FBXW10: variants seen among roughly 807,000 people sequenced by gnomAD.
The protein encoded by FBXW10 is F-box/WD repeat-containing protein 10.
Under a neutral mutation model 113.1 loss-of-function variants are expected in FBXW10, and 68 were observed. The observed-to-expected ratio is 0.60, with a 90% CI of 0.49 to 0.74. The LOEUF (loss-of-function observed/expected upper bound fraction) is 0.74, where lower values mean the gene tolerates loss of function less well. Among genes scored for constraint, FBXW10 ranks in the 30% least tolerant of loss-of-function variants. The probability of loss-of-function intolerance (pLI) is 0.00; values close to 1 mark genes in which losing one functional copy is unlikely to be tolerated. For missense variants in FBXW10, 753 were observed against 1,284.5 expected, an observed-to-expected ratio of 0.59 and a Z score of 6.32; for synonymous variants, 289 against 481.6, an observed-to-expected ratio of 0.60 and a Z score of 5.24.
chr17:18,766,784 C>G lies in FBXW10; in HGVS notation c.1626C>G (p.Ile542Met), dbSNP rs2035505456. ...RHKDPILATRINDTYIVSSCE... is the reference protein window; with the variant it reads ...RHKDPILATRMNDTYIVSSCE... ...AAGACCCCATCTTGGCCACCAGGAT[C>G]AATGATACCTACATTGTGAGCAGCT... Residue 542 changes from isoleucine (I) to methionine (M), a missense_variant, in exon 9 of 14, where the codon ATC (isoleucine) becomes ATG (methionine). Coordinates refer to ENST00000395665, the MANE Select transcript of FBXW10 (RefSeq NM_001267585.2). The G allele has an allele frequency of 3.1e-6, 5 of 1,612,080 alleles. No homozygotes were observed. In the African/African-American group the frequency reaches 4.0e-5, roughly 13 times the overall value.
chr17:18,745,126 C>A, intron 1 of FBXW10: 1 of 1,086,808 alleles, frequency 9.2e-7, no homozygotes, highest in Non-Finnish European at 1.1e-6. Flanking sequence ...AAAGGGGAAG[C>A]TTTTGTTTTT....
chr17:18,773,112 TA>T (rs1378382039), intron 12 of FBXW10, among the ~76,000 whole-genome samples: 2 of 151,948 alleles, frequency 1.3e-5, no homozygotes, highest in East Asian at 3.9e-4. Flanking sequence ...ATTTTTTTTT[TA>T]GTAGAGATGG....
At chr17:18,749,579 A>T in intron 2 of FBXW10, 143 bp from the exon 3 acceptor site, 1 of 928,096 alleles carries the variant, frequency 1.1e-6, no homozygotes, top group South Asian at 1.7e-5. Context: ...CAAGTGGCAG[A>T]AGAGATGACA....
At chr17:18,744,959 T>C in intron 1 of FBXW10, 1 of 1,435,568 alleles carries the variant, frequency 7.0e-7, no homozygotes, top group East Asian at 2.5e-5. Context: ...TTCTTGAAAA[T>C]GATCAATGCA....
At chr17:18,766,679 A>G in intron 8 of FBXW10, 35 bp from the exon 9 acceptor site, 1 of 1,601,020 alleles carries the variant, frequency 6.2e-7, no homozygotes, top group Non-Finnish European at 8.5e-7. Context: ...CTTTTTCCCC[A>G]CTCCCATGTC....
chr17:18,759,213 C>G (rs532757590), intron 7 of FBXW10, among the ~76,000 whole-genome samples: 1 of 152,066 alleles, frequency 6.6e-6, no homozygotes, highest in Non-Finnish European at 1.5e-5. Flanking sequence ...ATAACAAACA[C>G]TCATGCATCC....
chr17:18,758,159 G>A (rs1172509566), intron 6 of FBXW10, 146 bp from the exon 7 acceptor site: 100 of 1,459,120 alleles, frequency 6.9e-5, no homozygotes, highest in Middle Eastern at 2.4e-4. Flanking sequence ...GTTAATTCTC[G>A]ACCTTGCCTT....
intron 7 of FBXW10, among the ~76,000 whole-genome samples, chr17:18,760,736 G>A (rs1288992935): frequency 4.0e-5 from 6 of 150,874 alleles, no homozygotes; most frequent in Admixed American, 2.0e-4. Context: ...CCTGGGAGGT[G>A]CCACTGCACT....
chr17:18,761,268 CTT>C (rs71284781), intron 7 of FBXW10, among the ~76,000 whole-genome samples: 18 of 140,586 alleles, frequency 1.3e-4, no homozygotes, highest in Admixed American at 2.2e-4. Flanking sequence ...TTTCACTTTT[CTT>C]TTTTTTTTTT....
intron 7 of FBXW10, among the ~76,000 whole-genome samples, chr17:18,759,824 C>T (rs62073749): frequency 0.08 from 9,569 of 119,018 alleles, no homozygotes; most frequent in East Asian, 0.14. Context: ...CCCATGTTAG[C>T]CAGGATGGTC....
At position 18,757,381 on chromosome 17, in the gene FBXW10, C is replaced by T. The variant is rs1328628045; in HGVS notation, c.1233-924C>T. ...GAATTTTTTTGTAGAGACGGGGTTT[C>T]GTTCTCTGGTCAGGTTGGTCTCAAA... On this transcript the variant is annotated intron_variant, in intron 6 of 13. Transcript: ENST00000395665. 3.3e-5 allele frequency among the ~76,000 whole-genome samples: 5 copies of T among 152,168 alleles called. No individual in the cohort carries two copies. In the East Asian group the frequency reaches 5.8e-4, roughly 18 times the overall value.
At position 18,764,872 on chromosome 17, in the gene FBXW10, G is replaced by A; in HGVS notation, c.1555+9G>A. ...AGATTGCCAGGTAAAAGGTGAGAAAGAAGTGCCTTAAATTTTCTAAGAAGT... is the reference window on the plus strand; with the variant it reads ...AGATTGCCAGGTAAAAGGTGAGAAAAAAGTGCCTTAAATTTTCTAAGAAGT... On this transcript the variant is annotated intron_variant, in intron 8 of 13. Transcript: ENST00000395665. 2 of 1,613,974 alleles carry A rather than the reference G, an allele frequency of 1.2e-6. No homozygotes were observed. Among genetic ancestry groups the A allele is most frequent in the Non-Finnish European group, 1.7e-6 (2 of 1,179,864 alleles).
At chr17:18,754,543 C>CTGTG (rs1481052527) in intron 5 of FBXW10, among the ~76,000 whole-genome samples, 2 of 150,142 alleles carry the variant, frequency 1.3e-5, no homozygotes, top group Non-Finnish European at 3.0e-5. Context: ...AAACATGATG[C>CTGTG]TGTGTTCTTC....
intron 7 of FBXW10, among the ~76,000 whole-genome samples, chr17:18,759,196 A>C (rs983930465): frequency 2.0e-5 from 3 of 152,104 alleles, no homozygotes; most frequent in African/African-American, 7.2e-5. Flanking sequence ...GTATATTTTT[A>C]AACAATATAA....
At chr17:18,759,878 G>A (rs1232029735) in intron 7 of FBXW10, among the ~76,000 whole-genome samples, 2 of 152,176 alleles carry the variant, frequency 1.3e-5, no homozygotes, top group African/African-American at 2.4e-5. Context: ...GCCTCCTAAA[G>A]TACTGGGATT....
At chr17:18,774,884 C>T (rs1000431941) in intron 12 of FBXW10, among the ~76,000 whole-genome samples, 2 of 152,108 alleles carry the variant, frequency 1.3e-5, no homozygotes, top group Non-Finnish European at 1.5e-5. Context: ...GTTCCCAACA[C>T]AAAGAGATGA....
intron 7 of FBXW10, among the ~76,000 whole-genome samples, chr17:18,762,049 G>A (rs28711770): frequency 0.099 from 15,016 of 151,376 alleles, 816 homozygotes; most frequent in African/African-American, 0.14. Flanking sequence ...TGCCAGCTCC[G>A]CCTCCTGGGT....
At chr17:18,768,036 T>A (rs1003847003) in intron 9 of FBXW10, among the ~76,000 whole-genome samples, 23 of 149,326 alleles carry the variant, frequency 1.5e-4, no homozygotes, top group Middle Eastern at 6.9e-3. Flanking sequence ...TCTTCCTTCC[T>A]TCCTTCCTTC....
At chr17:18,776,831 C>G (rs1464722992) in intron 13 of FBXW10, among the ~76,000 whole-genome samples, 2 of 151,816 alleles carry the variant, frequency 1.3e-5, no homozygotes, top group African/African-American at 4.8e-5. Flanking sequence ...TGGGCAATGG[C>G]TAAGTAATAA....
Sources: gnomAD v4.1 joint callset for allele counts (sites outside exome capture counted in the v4.1 genomes callset) on GRCh38, gnomAD v4.1.1 for gene constraint, MANE v1.5 for transcripts, NCBI Gene and HGNC (gene_info 2026-07-23, HGNC 2026-07-21) for gene names.